CADM2: variants seen among roughly 807,000 people sequenced by gnomAD.
CADM2 encodes immunoglobulin superfamily member 4D.
In CADM2, 12 loss-of-function variants were observed where a neutral mutation model predicts 49.8. The ratio of observed to expected loss-of-function variants is 0.24; its 90% confidence interval spans 0.15 to 0.39. CADM2 has a LOEUF of 0.39. Ranked by LOEUF, CADM2 falls within the 10% of genes least tolerant of loss-of-function variation. The pLI is 1.00. For missense variants in CADM2, 378 were observed against 492.3 expected (o/e 0.77, Z 2.20); for synonymous variants, 214 against 175.4 (o/e 1.22, Z -1.74).
At chr3:85,792,832 ATC>A (rs1207004343) in intron 2 of CADM2, among the ~76,000 whole-genome samples, 2 of 152,210 alleles carry the variant, frequency 1.3e-5, no homozygotes, top group African/African-American at 2.4e-5. Flanking sequence ...TATTTCAAAG[ATC>A]TCTCTTTACT....
intron 1 of CADM2, among the ~76,000 whole-genome samples, chr3:85,053,184 A>G (rs1388589861): frequency 6.6e-6 from 1 of 152,060 alleles, no homozygotes; most frequent in Non-Finnish European, 1.5e-5. Context: ...GTTCAGAGCT[A>G]AAGCAAAAGT....
intron 1 of CADM2, among the ~76,000 whole-genome samples, chr3:85,625,898 A>G (rs560645448): frequency 6.6e-6 from 1 of 152,120 alleles, no homozygotes; most frequent in South Asian, 2.1e-4. Flanking sequence ...AAACTGAGCG[A>G]TATCTTGACC....
chr3:85,321,134 T>C (rs1210866121), intron 1 of CADM2, among the ~76,000 whole-genome samples: 11 of 17,504 alleles, frequency 6.3e-4, no homozygotes, highest in African/African-American at 2.8e-3. Context: ...TTTTTTTTTT[T>C]TTTTTTTTTT....
rs1461471428 is a variant in CADM2, at chr3:85,399,067, A to C, written c.62-327455A>C. Among the ~76,000 whole-genome samples the C allele has an allele frequency of 4.6e-5, 7 of 152,148 alleles. No homozygotes were observed. In the East Asian group the frequency reaches 7.7e-4, roughly 17 times the overall value. On this transcript the variant is annotated intron_variant, in intron 1 of 9. Transcript: ENST00000383699. ...ACTGCTTTTGGTGTTTTAGACATGA[A>C]GTCTTTGCCCATGCCTATGTCCTGA...
intron 1 of CADM2, among the ~76,000 whole-genome samples, chr3:85,594,870 G>T (rs2063200131): frequency 2.0e-5 from 3 of 151,962 alleles, no homozygotes; most frequent in Admixed American, 1.3e-4. Flanking sequence ...AAGTGTGCTT[G>T]TTACTACTTG....
intron 1 of CADM2, among the ~76,000 whole-genome samples, chr3:85,193,813 AAT>A (rs1320284752): frequency 7.9e-5 from 12 of 152,132 alleles, no homozygotes. Context: ...AGGATCTTTT[AAT>A]GTTTCATGCA....
At chr3:85,154,929 C>T (rs961756429) in intron 1 of CADM2, among the ~76,000 whole-genome samples, 7 of 151,354 alleles carry the variant, frequency 4.6e-5, no homozygotes, top group Non-Finnish European at 8.8e-5. Context: ...TAAAAGAGCT[C>T]CTGAAGGAAG....
At chr3:85,946,344 G>T (rs183124512) in intron 7 of CADM2, among the ~76,000 whole-genome samples, 2 of 151,302 alleles carry the variant, frequency 1.3e-5, no homozygotes, top group African/African-American at 4.9e-5. Context: ...GGTGAAAATG[G>T]CCATACTGCC....
At chr3:85,962,054 A>G (rs1724895745) in intron 8 of CADM2, among the ~76,000 whole-genome samples, 1 of 151,482 alleles carries the variant, frequency 6.6e-6, no homozygotes, top group South Asian at 2.1e-4. Context: ...CTCGTGCTTC[A>G]CCTCCTGAGT....
intron 1 of CADM2, among the ~76,000 whole-genome samples, chr3:85,238,500 T>C (rs887395094): frequency 1.1e-4 from 16 of 152,050 alleles, no homozygotes; most frequent in African/African-American, 3.9e-4. Context: ...AGTAAAGATA[T>C]ATCTTCCCTT....
intron 3 of CADM2, among the ~76,000 whole-genome samples, chr3:85,854,796 C>T (rs1259202828): frequency 6.6e-6 from 1 of 152,018 alleles, no homozygotes; most frequent in Non-Finnish European, 1.5e-5. Flanking sequence ...AATTTAAAAA[C>T]CACACAAAAA....
At chr3:85,421,185 T>C (rs987538585) in intron 1 of CADM2, among the ~76,000 whole-genome samples, 1 of 152,146 alleles carries the variant, frequency 6.6e-6, no homozygotes, top group Non-Finnish European at 1.5e-5. Flanking sequence ...CAGGGAATGT[T>C]AGTGGATTTT....
At chr3:85,941,279 TAATATTAGGCTATTATGGC>T (rs1721862857) in intron 7 of CADM2, among the ~76,000 whole-genome samples, 1 of 152,132 alleles carries the variant, frequency 6.6e-6, no homozygotes, top group Non-Finnish European at 1.5e-5. Flanking sequence ...ATACACATGC[TAATATTAGGCTATTATGGC>T]AACTCTGACA....
chr3:85,058,266 A>G (rs552975647), intron 1 of CADM2, among the ~76,000 whole-genome samples: 1 of 152,246 alleles, frequency 6.6e-6, no homozygotes, highest in South Asian at 2.1e-4. Flanking sequence ...TTAAAAAAGG[A>G]TCTTCCTAGT....
At chr3:85,087,823 A>T (rs2037441495) in intron 1 of CADM2, among the ~76,000 whole-genome samples, 1 of 152,184 alleles carries the variant, frequency 6.6e-6, no homozygotes, top group Admixed American at 6.5e-5. Flanking sequence ...CACATCCTAA[A>T]GGAAGTCCAA....
intron 1 of CADM2, among the ~76,000 whole-genome samples, chr3:84,962,629 G>A (rs2030647419): frequency 6.6e-6 from 1 of 152,146 alleles, no homozygotes. Flanking sequence ...ACTGATTTTG[G>A]CTAGAGGGAG....
chr3:85,971,394 A>G (rs577020303), intron 8 of CADM2, among the ~76,000 whole-genome samples: 24 of 151,838 alleles, frequency 1.6e-4, no homozygotes, highest in African/African-American at 5.8e-4. Flanking sequence ...ATGAGGAAGC[A>G]TAGATGCATA....
chr3:85,346,440 A>C (rs1490282809), intron 1 of CADM2, among the ~76,000 whole-genome samples: 1 of 152,118 alleles, frequency 6.6e-6, no homozygotes, highest in Non-Finnish European at 1.5e-5. Flanking sequence ...GATATTTTTC[A>C]AAAAAATCTT....
intron 1 of CADM2, among the ~76,000 whole-genome samples, chr3:85,487,025 A>C (rs2039444814): frequency 6.6e-6 from 1 of 152,086 alleles, no homozygotes; most frequent in South Asian, 2.1e-4. Context: ...TTCTGGTTTC[A>C]GAGTTAAGAG....
Sources: gnomAD v4.1 joint callset for allele counts (sites outside exome capture counted in the v4.1 genomes callset) on GRCh38, gnomAD v4.1.1 for gene constraint, MANE v1.5 for transcripts, NCBI Gene and HGNC (gene_info 2026-07-23, HGNC 2026-07-21) for gene names.